ELAPOR2: variants seen among roughly 807,000 people sequenced by gnomAD.
ELAPOR2 encodes endosome-lysosome associated apoptosis and autophagy regulator family member 2, also known as endosome/lysosome-associated apoptosis and autophagy regulator family member 2.
ELAPOR2 carries 89 observed loss-of-function variants against 120.7 expected under a neutral mutation model. The observed-to-expected ratio is 0.74, with a 90% CI of 0.62 to 0.88. The LOEUF is 0.88. Ranked by LOEUF, ELAPOR2 falls within the 40% of genes least tolerant of loss-of-function variation. The pLI is 0.00. For missense variants in ELAPOR2, 1,134 were observed against 1,251.6 expected, an observed-to-expected ratio of 0.91 and a Z score of 1.42; for synonymous variants, 444 against 444.9, an observed-to-expected ratio of 1.00 and a Z score of 0.03.
At chr7:86,933,293 CCTG>C (rs1042270428) in intron 8 of ELAPOR2, among the ~76,000 whole-genome samples, 2 of 151,840 alleles carry the variant, frequency 1.3e-5, no homozygotes, top group African/African-American at 4.8e-5. Flanking sequence ...TGTCAAATAT[CCTG>C]CTAACATTAA....
intron 2 of ELAPOR2, among the ~76,000 whole-genome samples, chr7:86,950,586 T>A (rs1233393518): frequency 6.6e-6 from 1 of 152,204 alleles, no homozygotes; most frequent in African/African-American, 2.4e-5. Flanking sequence ...AGGGAACCAG[T>A]GCCCATGCTG....
At chr7:86,974,580 A>AGTGT (rs35712048) in intron 1 of ELAPOR2, among the ~76,000 whole-genome samples, 37,281 of 138,564 alleles carry the variant, frequency 0.27, 5,475 homozygotes, top group East Asian at 0.52. Context: ...GAACCCCTGT[A>AGTGT]GTGTGTGTGT....
chr7:87,001,107 G>A (rs1793302029), intron 1 of ELAPOR2, among the ~76,000 whole-genome samples: 1 of 152,122 alleles, frequency 6.6e-6, no homozygotes, highest in African/African-American at 2.4e-5. Context: ...GGTCCACCCG[G>A]AAGAAGTAGA....
intron 2 of ELAPOR2, among the ~76,000 whole-genome samples, chr7:86,958,814 T>C (rs796592794): frequency 9.8e-5 from 15 of 152,340 alleles, no homozygotes; most frequent in African/African-American, 3.6e-4. Flanking sequence ...GCTTTGGCTA[T>C]TCAGAATCTT....
rs537221333 is a variant in ELAPOR2 at position 87,053,620 on chromosome 7, G to C, written c.189+5705C>G. 8.5e-5 allele frequency among the ~76,000 whole-genome samples: 13 copies of C among 152,266 alleles called. No homozygotes were observed. The Middle Eastern group carries it at 0.02, about 239-fold the overall frequency. ...ACTCATTCATCTATATGGGGTGGGG[G>C]GCTGTGCGTGCAAAACACTTGTGGG... On this transcript the variant is annotated intron_variant, in intron 1 of 21. Coordinates refer to ENST00000450689, the MANE Select transcript of ELAPOR2 (RefSeq NM_001142749.3).
chr7:86,912,302 A>G, intron 14 of ELAPOR2, 57 bp from the exon 15 acceptor site: 5 of 1,204,424 alleles, frequency 4.2e-6, no homozygotes, highest in Non-Finnish European at 5.9e-6. Flanking sequence ...GCTGCTACTA[A>G]AATGTGTTTG....
intron 21 of ELAPOR2, among the ~76,000 whole-genome samples, chr7:86,882,943 T>A (rs893974263): frequency 1.1e-4 from 17 of 151,988 alleles, no homozygotes; most frequent in African/African-American, 4.1e-4. Flanking sequence ...GTCACTATCT[T>A]CCCTACTGCA....
intron 3 of ELAPOR2, among the ~76,000 whole-genome samples, chr7:86,946,790 A>G (rs1026769924): frequency 1.3e-5 from 2 of 152,186 alleles, no homozygotes; most frequent in African/African-American, 4.8e-5. Context: ...CAGGCAGAAA[A>G]AGAAGCCTTG....
At chr7:87,010,638 T>C (rs888248428) in intron 1 of ELAPOR2, among the ~76,000 whole-genome samples, 9 of 152,208 alleles carry the variant, frequency 5.9e-5, no homozygotes, top group Admixed American at 5.9e-4. Context: ...AGGGATATTA[T>C]AGCACAATCT....
chr7:86,974,587 G>GTGTT (rs1792212763), intron 1 of ELAPOR2, among the ~76,000 whole-genome samples: 1 of 149,312 alleles, frequency 6.7e-6, no homozygotes. Flanking sequence ...TGTAGTGTGT[G>GTGTT]TGTGTGTGTG....
intron 1 of ELAPOR2, among the ~76,000 whole-genome samples, chr7:86,986,697 G>C (rs1005198728): frequency 1.3e-5 from 2 of 151,310 alleles, no homozygotes; most frequent in African/African-American, 4.9e-5. Context: ...AAATAAAAGA[G>C]GACACAAACA....
chr7:86,954,471 T>G (rs1791391608), intron 2 of ELAPOR2, among the ~76,000 whole-genome samples: 1 of 152,156 alleles, frequency 6.6e-6, no homozygotes, highest in Admixed American at 6.5e-5. Flanking sequence ...ATCAAAGTTT[T>G]TATTACTAAA....
chr7:86,878,990 C>G lies in ELAPOR2; in HGVS notation c.*1481G>C, dbSNP rs1799275852. The G allele has an allele frequency of 6.6e-6, 1 of 152,170 alleles. No individual in the cohort carries two copies. The highest frequency in any genetic ancestry group is 1.5e-5 in the Non-Finnish European group (1 of 68,022). The allele number at this position is 152,170 out of a possible 1,614,324, so 9.4% of individuals were successfully genotyped here. A position where few individuals can be genotyped will look rare whatever the true frequency, so the allele number is the denominator to read the frequency against. On this transcript the variant is annotated 3_prime_UTR_variant, in exon 22 of 22. Transcript: ENST00000450689. ...CCCATTTTCCACAAAAATAAAGACA[C>G]CACCTTCAGACACAAAAGTTACAAG...
chr7:86,925,735 T>C (rs1790036117), intron 9 of ELAPOR2, 79 bp from the exon 10 acceptor site: 1 of 1,245,712 alleles, frequency 8.0e-7, no homozygotes, highest in South Asian at 1.2e-5. Flanking sequence ...CCAAACACAC[T>C]ACATTACAAT....
At chr7:86,992,641 T>A (rs969248703) in intron 1 of ELAPOR2, among the ~76,000 whole-genome samples, 1 of 152,180 alleles carries the variant, frequency 6.6e-6, no homozygotes, top group Non-Finnish European at 1.5e-5. Flanking sequence ...TACATTCATA[T>A]GAAAAAAATA....
chr7:86,969,301 C>T (rs1792025077), intron 1 of ELAPOR2, among the ~76,000 whole-genome samples: 1 of 152,014 alleles, frequency 6.6e-6, no homozygotes, highest in Non-Finnish European at 1.5e-5. Flanking sequence ...ACTGAAATCC[C>T]CAGGGAATCA....
chr7:86,891,197 AATGT>A (rs59380685), intron 21 of ELAPOR2: 18,790 of 151,998 alleles, frequency 0.12, 1,423 homozygotes, highest in Non-Finnish European at 0.17. Flanking sequence ...AGTATGAATG[AATGT>A]AATATCTTTT....
chr7:86,918,718 T>C (rs1402768819), intron 11 of ELAPOR2, among the ~76,000 whole-genome samples, 174 bp from the exon 12 acceptor site: 1 of 152,162 alleles, frequency 6.6e-6, no homozygotes, highest in Non-Finnish European at 1.5e-5. Flanking sequence ...ACACCCTTTG[T>C]AGACATTGAG....
chr7:86,991,984 T>C (rs1183382471), intron 1 of ELAPOR2, among the ~76,000 whole-genome samples: 3 of 152,236 alleles, frequency 2.0e-5, no homozygotes, highest in Non-Finnish European at 4.4e-5. Context: ...ACTAGGCATG[T>C]TGCCCAGGTT....
Sources: allele counts gnomAD v4.1 joint callset (sites outside exome capture counted in the v4.1 genomes callset), GRCh38; gene constraint gnomAD v4.1.1; transcripts MANE v1.5; gene names NCBI Gene and HGNC (gene_info 2026-07-23, HGNC 2026-07-21).